ME3: variants seen among roughly 807,000 people sequenced by gnomAD.
The protein encoded by ME3 is malic enzyme 3.
In ME3, 48 loss-of-function variants were observed where a neutral mutation model predicts 68.9. The ratio of observed to expected loss-of-function variants is 0.70; its 90% CI spans 0.55 to 0.89. The LOEUF is 0.89. Among genes scored for constraint, ME3 ranks in the 40% least tolerant of loss-of-function variants. The probability of loss-of-function intolerance (pLI) is 0.00; values close to 1 mark genes in which losing one functional copy is unlikely to be tolerated. For synonymous variants in ME3, 320 were observed against 318.8 expected, an observed-to-expected ratio of 1.00 and a Z score of -0.04; for missense variants, 675 against 797.4, an observed-to-expected ratio of 0.85 and a Z score of 1.85.
At chr11:86,499,332 G>A (rs1007800940) in intron 5 of ME3, among the ~76,000 whole-genome samples, 72 of 152,150 alleles carry the variant, frequency 4.7e-4, no homozygotes, top group African/African-American at 1.7e-3. Context: ...GGGTAACGGT[G>A]AAGTTGTTTG....
intron 2 of ME3, among the ~76,000 whole-genome samples, chr11:86,647,730 A>T (rs954734397): frequency 6.6e-6 from 1 of 152,242 alleles, no homozygotes; most frequent in Admixed American, 6.5e-5. Context: ...ATATGCACCC[A>T]GTACAGGAGC....
At chr11:86,536,203 A>C (rs1034529950) in intron 4 of ME3, among the ~76,000 whole-genome samples, 2 of 152,172 alleles carry the variant, frequency 1.3e-5, no homozygotes, top group Non-Finnish European at 2.9e-5. Flanking sequence ...CCTAGGCATT[A>C]CCATTCAGGA....
Position 86,583,297 on chromosome 11 carries a change from T to C in ME3, c.184-23474A>G, listed in dbSNP as rs187001778. ...ACTGGGGGAGTTGACACAGCAGATA[T>C]TAGGTTGATGCAAAAGTAATTGTGG... On this transcript the variant is annotated intron_variant, in intron 2 of 14. Transcript: ENST00000543262. Among the ~76,000 whole-genome samples the C allele has an allele frequency of 1.9e-3, 293 of 152,326 alleles. 2 individuals are homozygous for C. The highest frequency in any genetic ancestry group is 6.9e-3 in the African/African-American group (285 of 41,586).
At chr11:86,574,576 A>G (rs1308877486) in intron 2 of ME3, among the ~76,000 whole-genome samples, 1 of 152,190 alleles carries the variant, frequency 6.6e-6, no homozygotes, top group African/African-American at 2.4e-5. Flanking sequence ...AGATCAGCAA[A>G]GATTGCTGCC....
At chr11:86,562,221 G>A (rs901849976) in intron 2 of ME3, among the ~76,000 whole-genome samples, 1 of 152,066 alleles carries the variant, frequency 6.6e-6, no homozygotes, top group Non-Finnish European at 1.5e-5. Context: ...CGCACCTAGA[G>A]TTCATTCATG....
At chr11:86,558,549 G>A (rs945065515) in intron 3 of ME3, among the ~76,000 whole-genome samples, 2 of 152,232 alleles carry the variant, frequency 1.3e-5, no homozygotes, top group African/African-American at 4.8e-5. Context: ...TGAGTGCAGG[G>A]TGACCCTGGC....
At chr11:86,659,871 A>G (rs1042898189) in intron 2 of ME3, among the ~76,000 whole-genome samples, 30 of 152,192 alleles carry the variant, frequency 2.0e-4, no homozygotes, top group Non-Finnish European at 4.0e-4. Flanking sequence ...TGGATGGACC[A>G]ATCAATCGAT....
intron 5 of ME3, among the ~76,000 whole-genome samples, chr11:86,504,560 A>G (rs2139065099): frequency 6.6e-6 from 1 of 150,954 alleles, no homozygotes; most frequent in Non-Finnish European, 1.5e-5. Flanking sequence ...CACCCAACTA[A>G]TATTTGTATT....
intron 4 of ME3, among the ~76,000 whole-genome samples, chr11:86,533,430 C>T: frequency 6.6e-6 from 1 of 151,954 alleles, no homozygotes; most frequent in East Asian, 1.9e-4. Context: ...TAGTACCTGC[C>T]AAGACTGAAT....
chr11:86,513,248 C>T (rs1953664657), intron 4 of ME3, among the ~76,000 whole-genome samples: 3 of 152,132 alleles, frequency 2.0e-5, no homozygotes, highest in Admixed American at 2.0e-4. Context: ...TTTCAAAGTT[C>T]TTTTTTCTTT....
At chr11:86,479,038 A>G (rs1951241106) in intron 7 of ME3, among the ~76,000 whole-genome samples, 1 of 152,194 alleles carries the variant, frequency 6.6e-6, no homozygotes, top group Non-Finnish European at 1.5e-5. Flanking sequence ...TTTCTGGAAG[A>G]GACTGGTATT....
chr11:86,528,118 G>C (rs374309630), intron 4 of ME3, among the ~76,000 whole-genome samples: 1 of 152,220 alleles, frequency 6.6e-6, no homozygotes, highest in Admixed American at 6.5e-5. Context: ...CCCATCTCAC[G>C]TGCATAGACA....
chr11:86,672,119 C>CT, intron 1 of ME3, 161 bp from the exon 2 acceptor site: 1 of 598,282 alleles, frequency 1.7e-6, no homozygotes, highest in East Asian at 3.5e-5. Context: ...TCGGCTGCCA[C>CT]CTGCTCGGCT....
intron 4 of ME3, among the ~76,000 whole-genome samples, chr11:86,515,569 C>A (rs1402988702): frequency 6.6e-6 from 1 of 152,152 alleles, no homozygotes; most frequent in Non-Finnish European, 1.5e-5. Flanking sequence ...GGCAAATTTG[C>A]AAAATCTCTG....
At chr11:86,510,874 C>A (rs1424230917) in intron 4 of ME3, among the ~76,000 whole-genome samples, 1 of 152,210 alleles carries the variant, frequency 6.6e-6, no homozygotes, top group Non-Finnish European at 1.5e-5. Flanking sequence ...ATCTAATCTT[C>A]CACCATTATG....
chr11:86,627,230 A>G (rs944188561), intron 2 of ME3, among the ~76,000 whole-genome samples: 1 of 152,214 alleles, frequency 6.6e-6, no homozygotes, highest in African/African-American at 2.4e-5. Flanking sequence ...GTATTTTGAA[A>G]ATACCTTTAT....
At chr11:86,604,433 T>A (rs571340500) in intron 2 of ME3, among the ~76,000 whole-genome samples, 3 of 152,152 alleles carry the variant, frequency 2.0e-5, no homozygotes, top group African/African-American at 7.2e-5. Context: ...CTACATAGGG[T>A]TGTCTCTTAC....
rs141042593 is a variant in ME3, at chr11:86,645,480, G to A, written c.183+26282C>T. 1.4e-3 allele frequency among the ~76,000 whole-genome samples: 216 copies of A among 152,178 alleles called. 1 individual carries two copies. Among genetic ancestry groups the A allele is most frequent in the African/African-American group, 4.9e-3 (204 of 41,536 alleles). On this transcript the variant is annotated intron_variant, in intron 2 of 14. Transcript: ENST00000543262. ...GACTGTGCGGAGCCCACTGCAGCTCGTTGTAGCCAGACTCTCTAGATTTCT... is the reference window on the plus strand; with the variant it reads ...GACTGTGCGGAGCCCACTGCAGCTCATTGTAGCCAGACTCTCTAGATTTCT...
At chr11:86,654,638 T>C (rs1945726113) in intron 2 of ME3, among the ~76,000 whole-genome samples, 1 of 152,178 alleles carries the variant, frequency 6.6e-6, no homozygotes, top group South Asian at 2.1e-4. Context: ...ACAGCCAATA[T>C]CATACTGAAT....
Sources: gnomAD v4.1 joint callset for allele counts (sites outside exome capture counted in the v4.1 genomes callset) on GRCh38, gnomAD v4.1.1 for gene constraint, MANE v1.5 for transcripts, NCBI Gene and HGNC (gene_info 2026-07-23, HGNC 2026-07-21) for gene names.